Variants in ACSF3 observed in about 807,000 individuals in gnomAD.
The protein encoded by ACSF3 is acyl-CoA synthetase family member 3.
ACSF3 carries 78 observed loss-of-function variants against 53.2 expected under a neutral mutation model. The observed-to-expected ratio is 1.47, with a 90% CI of 1.22 to 1.77. The LOEUF is 1.77. ACSF3 is among the 40% of genes most tolerant of loss of function. The probability of loss-of-function intolerance (pLI) is 0.00; values close to 1 mark genes in which losing one functional copy is unlikely to be tolerated. For synonymous variants in ACSF3, 414 were observed against 333.1 expected, an observed-to-expected ratio of 1.24 and a Z score of -2.65; for missense variants, 937 against 771.1, an observed-to-expected ratio of 1.22 and a Z score of -2.55.
At chr16:89,153,876 C>A in intron 10 of ACSF3, 1 of 600,586 alleles carries the variant, frequency 1.7e-6, no homozygotes, top group Non-Finnish European at 3.0e-6. Context: ...CCAGTGATAA[C>A]ACCATGCCGG....
intron 7 of ACSF3, among the ~76,000 whole-genome samples, chr16:89,132,016 G>T (rs2151516989): frequency 6.6e-6 from 1 of 152,318 alleles, no homozygotes; most frequent in African/African-American, 2.4e-5. Flanking sequence ...CCCCGTGGGT[G>T]GCGTCAGCCC....
intron 5 of ACSF3, 56 bp downstream of exon 5, chr16:89,112,302 G>C: frequency 6.3e-7 from 1 of 1,597,256 alleles, no homozygotes; most frequent in South Asian, 1.1e-5. Context: ...CAACAGATAC[G>C]ACTTATTTCT....
chr16:89,100,708 C>T lies in ACSF3; in HGVS notation c.27C>T (p.Phe9=). The change falls in exon 3 of 11, where the codon TTC becomes TTT. Residue 9 remains phenylalanine, a synonymous_variant. Transcript: ENST00000614302. ...TGCTGCCCCATGTGGTGCTCACCTT[C>T]CGGCGCCTGGGCTGCGCCTTGGCGT... MLPHVVLT[F]RRLGCALASC... is the part of the protein sequence containing the mutation. 6.2e-7 allele frequency: 1 copy of T among 1,601,434 alleles called. No individual in the cohort carries two copies. The highest frequency in any genetic ancestry group is 8.5e-7 in the Non-Finnish European group (1 of 1,179,580).
At position 89,101,266 on chromosome 16, in the gene ACSF3, G is replaced by A. The variant is rs2151409119; in HGVS notation, c.585G>A (p.Lys195=). 6.2e-7 allele frequency: 1 copy of A among 1,601,678 alleles called. No individual in the cohort carries two copies. The highest frequency in any genetic ancestry group is 1.1e-5 in the South Asian group (1 of 89,654). ...TCCCAGAGCAGGGATGGAGGAACAA[G>A]GGCGCCATGATCATCTACACCAGTG... ...VPVPEQGWRN[K]GAMIIYTSGT... is the part of the protein sequence containing the mutation. The change falls in exon 3 of 11, where the codon AAG becomes AAA. Residue 195 remains lysine (K), a synonymous_variant. Transcript: ENST00000614302.
chr16:89,117,727 G>C (rs4782327), intron 6 of ACSF3, among the ~76,000 whole-genome samples: 113,743 of 151,996 alleles, frequency 0.75, 43,042 homozygotes, highest in Non-Finnish European at 0.79. Flanking sequence ...GGGAGGCTCA[G>C]CTTCCCCACG....
At position 89,133,142 on chromosome 16, in the gene ACSF3, C is replaced by G. The variant is rs745543610; in HGVS notation, c.1246C>G (p.Pro416Ala). 1.9e-6 allele frequency: 3 copies of G among 1,613,728 alleles called. No individual in the cohort carries two copies. The highest frequency in any genetic ancestry group is 2.5e-6 in the Non-Finnish European group (3 of 1,180,010). ...EGDERGTKVT[P>A]GFEEKEGELL... ...TGTTCTTCATCCTCCACAGGTGACC[C>G]CAGGGTTTGAAGAAAAGGAGGGGGA... The change falls in exon 8 of 11, where the codon CCA (proline) becomes GCA (alanine). Residue 416 changes from proline to alanine, a missense_variant. Transcript: ENST00000614302.
At chr16:89,102,331 G>A in intron 3 of ACSF3, 1 of 504,728 alleles carries the variant, frequency 2.0e-6, no homozygotes, top group Non-Finnish European at 3.6e-6. Context: ...GGTGTCTGCA[G>A]AGCCACTCCC....
At position 89,154,233 on chromosome 16, in the gene ACSF3, G is replaced by T; in HGVS notation, c.*26G>T. The T allele has an allele frequency of 6.2e-7, 1 of 1,606,590 alleles. No homozygotes were observed. On this transcript the variant is annotated 3_prime_UTR_variant, in exon 11 of 11. Coordinates refer to ENST00000614302, the MANE Select transcript of ACSF3 (RefSeq NM_001243279.3). Reference sequence around the variant, plus strand: ...CCCGGCAGACTGGGACTGCGGGTCTGGTGGGGAGCAGCAGACGTCCCCTTC... The same window carrying T: ...CCCGGCAGACTGGGACTGCGGGTCTTGTGGGGAGCAGCAGACGTCCCCTTC...
chr16:89,096,324 C>T (rs936743383), intron 1 of ACSF3, among the ~76,000 whole-genome samples: 2 of 152,134 alleles, frequency 1.3e-5, no homozygotes, highest in East Asian at 3.9e-4. Flanking sequence ...GGGAGCCCCA[C>T]GGTAGAAGGG....
chr16:89,130,127 C>T (rs944302410), intron 7 of ACSF3, among the ~76,000 whole-genome samples: 3 of 152,232 alleles, frequency 2.0e-5, no homozygotes, highest in African/African-American at 7.2e-5. Flanking sequence ...GTCTGAAGGA[C>T]ATTCTATAGG....
chr16:89,146,062 G>A lies in ACSF3; in HGVS notation c.1613+13G>A, dbSNP rs1253812921. 1.3e-6 allele frequency: 2 copies of A among 1,514,952 alleles called. No homozygotes were observed. Among genetic ancestry groups the A allele is most frequent in the Non-Finnish European group, 1.8e-6 (2 of 1,091,420 alleles). The allele number at this position is 1,514,952 out of a possible 1,614,324, so 93.8% of individuals were successfully genotyped here. A position where few individuals can be genotyped will look rare whatever the true frequency, so the allele number is the denominator to read the frequency against. On this transcript the variant is annotated intron_variant, in intron 10 of 10. Transcript: ENST00000614302. ...AAGAGTGGGCCAGGTAGGGCTGGGTGGGGCGGGCAGGGAGCACTCATGGGG... is the reference window on the plus strand; with the variant it reads ...AAGAGTGGGCCAGGTAGGGCTGGGTAGGGCGGGCAGGGAGCACTCATGGGG...
chr16:89,121,941 C>T (rs980005418), intron 7 of ACSF3, among the ~76,000 whole-genome samples: 6 of 152,166 alleles, frequency 3.9e-5, no homozygotes, highest in Non-Finnish European at 1.5e-5. Flanking sequence ...GGTGCAGTGG[C>T]CGCACCTTGT....
chr16:89,149,142 T>C (rs1166226320), intron 10 of ACSF3: 1 of 152,268 alleles, frequency 6.6e-6, no homozygotes, highest in Non-Finnish European at 1.5e-5. Flanking sequence ...CCTCCGAGTC[T>C]ACCTCAGCCT....
intron 8 of ACSF3, among the ~76,000 whole-genome samples, chr16:89,138,086 C>T (rs185091121): frequency 2.0e-5 from 3 of 152,314 alleles, no homozygotes; most frequent in African/African-American, 7.2e-5. Context: ...ACAGCAGCCC[C>T]AGCCGCCGGG....
Position 89,107,200 on chromosome 16 carries a change from G to T in ACSF3, c.822+4441G>T, listed in dbSNP as rs556276543. Among the ~76,000 whole-genome samples, 5 of 152,338 alleles carry T rather than the reference G, an allele frequency of 3.3e-5. No homozygotes were observed. In the East Asian group the frequency reaches 9.6e-4, roughly 29 times the overall value. ...CGTCTTGGAAGTGTGGCAACACATT[G>T]GGATGTGCTGGAGGAAGAAGGTCAC... On this transcript the variant is annotated intron_variant, in intron 4 of 10. Transcript: ENST00000614302.
At chr16:89,135,273 T>G (rs913995541) in intron 8 of ACSF3, among the ~76,000 whole-genome samples, 1 of 152,218 alleles carries the variant, frequency 6.6e-6, no homozygotes, top group Non-Finnish European at 1.5e-5. Context: ...CGGGATGGGC[T>G]CCTTGAGGGA....
intron 4 of ACSF3, among the ~76,000 whole-genome samples, chr16:89,105,912 C>T (rs1373043297): frequency 6.6e-6 from 1 of 152,228 alleles, no homozygotes; most frequent in Non-Finnish European, 1.5e-5. Flanking sequence ...GGTGCTGGCG[C>T]AGGCCAGCTG....
chr16:89,137,183 C>G (rs1910689486), intron 8 of ACSF3, among the ~76,000 whole-genome samples: 1 of 152,188 alleles, frequency 6.6e-6, no homozygotes, highest in East Asian at 1.9e-4. Flanking sequence ...TAGGCTCCAG[C>G]CGGGTGAGGA....
intron 4 of ACSF3, among the ~76,000 whole-genome samples, chr16:89,111,444 G>C (rs11860360): frequency 6.6e-6 from 1 of 152,210 alleles, no homozygotes; most frequent in African/African-American, 2.4e-5. Context: ...GCCTCCCTTA[G>C]GTGCTGACCC....
Sources: allele counts gnomAD v4.1 joint callset (sites outside exome capture counted in the v4.1 genomes callset), GRCh38; gene constraint gnomAD v4.1.1; transcripts MANE v1.5; gene names NCBI Gene and HGNC (gene_info 2026-07-23, HGNC 2026-07-21).